GPC6: variants seen among roughly 807,000 people sequenced by gnomAD.
GPC6 encodes glypican-6.
A neutral mutation model predicts 55.2 loss-of-function variants in GPC6; 14 were observed. That is an observed-to-expected ratio of 0.25 (90% CI 0.17 to 0.40). The LOEUF (loss-of-function observed/expected upper bound fraction) is 0.40, where lower values mean the gene tolerates loss of function less well. Ranked by LOEUF, GPC6 falls within the 10% of genes least tolerant of loss-of-function variation. The pLI is 1.00. For missense variants in GPC6, 641 were observed against 708.5 expected (o/e 0.90, Z 1.08); for synonymous variants, 278 against 259.6 (o/e 1.07, Z -0.68).
At chr13:93,862,550 A>G (rs1283890962) in intron 3 of GPC6, among the ~76,000 whole-genome samples, 1 of 151,614 alleles carries the variant, frequency 6.6e-6, no homozygotes, top group Non-Finnish European at 1.5e-5. Flanking sequence ...ATTCAATTCA[A>G]AATCTCAACT....
rs867131025 is a variant in GPC6, at chr13:93,600,899, G to A, written c.319+55478G>A. On this transcript the variant is annotated intron_variant, in intron 2 of 8. Transcript: ENST00000377047. ...CAGGAGGCAGAGGTTGCAGTGAGCC[G>A]AGATCACACCATGGCACTCCAGCCT... is the stretch of plus-strand genomic sequence containing the variant. Among the ~76,000 whole-genome samples the A allele has an allele frequency of 1.6e-3, 206 of 132,828 alleles. 1 individual carries two copies. The highest frequency in any genetic ancestry group is 5.8e-3 in the African/African-American group (201 of 34,954). The allele number at this position is 132,828 out of a possible 152,430, so 87.1% of individuals were successfully genotyped here. A position where few individuals can be genotyped will look rare whatever the true frequency, so the allele number is the denominator to read the frequency against.
At chr13:94,300,690 C>T (rs181756037) in intron 5 of GPC6, among the ~76,000 whole-genome samples, 121 of 152,266 alleles carry the variant, frequency 7.9e-4, no homozygotes, top group African/African-American at 2.7e-3. Context: ...AATACTTTCC[C>T]GAATTATCTA....
chr13:93,714,058 T>C (rs1883163156), intron 2 of GPC6, among the ~76,000 whole-genome samples: 1 of 151,792 alleles, frequency 6.6e-6, no homozygotes, highest in Non-Finnish European at 1.5e-5. Flanking sequence ...TCAAAAGCAA[T>C]TGCAACAGAA....
intron 4 of GPC6, among the ~76,000 whole-genome samples, chr13:94,040,439 C>A (rs915456865): frequency 6.6e-6 from 1 of 151,670 alleles, no homozygotes; most frequent in Non-Finnish European, 1.5e-5. Context: ...TTTTTGAATC[C>A]CAAATTGCCA....
At chr13:93,218,970 G>T in the GPC6 span, among the ~76,000 whole-genome samples, 2 of 151,978 alleles carry the variant, frequency 1.3e-5, no homozygotes, top group Non-Finnish European at 2.9e-5. Flanking sequence ...CTGGTTGTTG[G>T]TATGTTACCG....
chr13:93,470,866 A>G (rs1226336903), intron 1 of GPC6, among the ~76,000 whole-genome samples: 1 of 151,946 alleles, frequency 6.6e-6, no homozygotes, highest in Non-Finnish European at 1.5e-5. Flanking sequence ...CATTTTTGCA[A>G]TTTGCAGATT....
chr13:93,738,244 A>G (rs1884069086), intron 2 of GPC6, among the ~76,000 whole-genome samples: 1 of 152,066 alleles, frequency 6.6e-6, no homozygotes, highest in Admixed American at 6.6e-5. Context: ...TCATTATTAT[A>G]TTTTTCATAT....
intron 1 of GPC6, among the ~76,000 whole-genome samples, chr13:93,330,603 TATC>T (rs1879810116): frequency 6.6e-6 from 1 of 152,148 alleles, no homozygotes; most frequent in South Asian, 2.1e-4. Flanking sequence ...ATCACTGCCT[TATC>T]ATGAAGACAT....
At chr13:94,007,563 T>C (rs550911058) in intron 3 of GPC6, among the ~76,000 whole-genome samples, 2 of 152,308 alleles carry the variant, frequency 1.3e-5, no homozygotes, top group African/African-American at 2.4e-5. Context: ...CCCCTCTTCT[T>C]TCCTACTGCC....
chr13:93,439,350 T>C (rs567392320), intron 1 of GPC6, among the ~76,000 whole-genome samples: 26 of 152,194 alleles, frequency 1.7e-4, no homozygotes, highest in African/African-American at 6.0e-4. Context: ...TGGGAGGTAA[T>C]TGAATCATGG....
At chr13:93,969,638 A>C (rs913072748) in intron 3 of GPC6, among the ~76,000 whole-genome samples, 1 of 152,110 alleles carries the variant, frequency 6.6e-6, no homozygotes, top group African/African-American at 2.4e-5. Context: ...ATATACATAT[A>C]AAATATACTA....
chr13:93,303,521 AG>A (rs1878751834), intron 1 of GPC6, among the ~76,000 whole-genome samples: 1 of 152,194 alleles, frequency 6.6e-6, no homozygotes, highest in Non-Finnish European at 1.5e-5. Context: ...CCCATGCCAA[AG>A]CTTTCAGCAT....
intron 3 of GPC6, among the ~76,000 whole-genome samples, chr13:93,996,257 C>T (rs1159334938): frequency 6.6e-6 from 1 of 152,184 alleles, no homozygotes; most frequent in Non-Finnish European, 1.5e-5. Context: ...AAAGAGCCTA[C>T]TACAGAAAAC....
At chr13:93,459,069 T>C (rs1878580773) in intron 1 of GPC6, among the ~76,000 whole-genome samples, 1 of 152,226 alleles carries the variant, frequency 6.6e-6, no homozygotes, top group Admixed American at 6.5e-5. Context: ...TTTATTATTA[T>C]TATTTTTGAG....
intron 1 of GPC6, among the ~76,000 whole-genome samples, chr13:93,499,886 G>T (rs1211299763): frequency 6.6e-6 from 1 of 152,150 alleles, no homozygotes; most frequent in Non-Finnish European, 1.5e-5. Context: ...ATAGTAAATT[G>T]TAACTGCTTT....
At chr13:93,595,787 G>T (rs1877700909) in intron 2 of GPC6, among the ~76,000 whole-genome samples, 1 of 152,088 alleles carries the variant, frequency 6.6e-6, no homozygotes, top group African/African-American at 2.4e-5. Flanking sequence ...TTGGCATATT[G>T]CAGAGAATAT....
intron 3 of GPC6, among the ~76,000 whole-genome samples, chr13:93,966,773 C>T (rs1880065448): frequency 6.6e-6 from 1 of 151,334 alleles, no homozygotes; most frequent in South Asian, 2.1e-4. Flanking sequence ...TCCTCAGCCT[C>T]CCAAGTAGCT....
intron 1 of GPC6, among the ~76,000 whole-genome samples, chr13:93,307,725 A>G (rs989109687): frequency 1.3e-5 from 2 of 152,140 alleles, no homozygotes; most frequent in Non-Finnish European, 2.9e-5. Context: ...AACTTTTATA[A>G]TAATACTTAT....
At chr13:93,396,309 A>C (rs1875852325) in intron 1 of GPC6, among the ~76,000 whole-genome samples, 1 of 152,218 alleles carries the variant, frequency 6.6e-6, no homozygotes, top group East Asian at 1.9e-4. Context: ...TCACGCCTGT[A>C]ATCCCAGCAA....
Sources: allele counts gnomAD v4.1 joint callset (sites outside exome capture counted in the v4.1 genomes callset), GRCh38; gene constraint gnomAD v4.1.1; transcripts MANE v1.5; gene names NCBI Gene and HGNC (gene_info 2026-07-23, HGNC 2026-07-21).